CSMD1: variants seen among roughly 807,000 people sequenced by gnomAD.
The protein encoded by CSMD1 is CUB and sushi domain-containing protein 1.
CSMD1 carries 213 observed loss-of-function variants against 417.5 expected under a neutral mutation model. That is an observed-to-expected ratio of 0.51 (90% CI 0.46 to 0.57). The LOEUF (loss-of-function observed/expected upper bound fraction) is 0.57. Among genes scored for constraint, CSMD1 ranks in the 20% least tolerant of loss-of-function variants. The pLI, the probability that CSMD1 is intolerant of heterozygous loss-of-function variation, is 0.00. For synonymous variants in CSMD1, 2,862 were observed against 1,736.8 expected, an observed-to-expected ratio of 1.65 and a Z score of -16.11; for missense variants, 6,923 against 4,529.7, an observed-to-expected ratio of 1.53 and a Z score of -15.17.
chr8:4,748,284 T>A lies in CSMD1; in HGVS notation c.86-110726A>T, dbSNP rs1339254021. Among the ~76,000 whole-genome samples, 5 of 152,228 alleles carry A rather than the reference T, an allele frequency of 3.3e-5. No individual in the cohort carries two copies. In the South Asian group the frequency reaches 8.3e-4, roughly 25 times the overall value. On this transcript the variant is annotated intron_variant, in intron 1 of 69. Coordinates refer to ENST00000635120, the MANE Select transcript of CSMD1 (RefSeq NM_033225.6). ...CTTTAGAAAGCACACAAGCAAATCA[T>A]CATCCTTTCTACAAGAGAAGCCAGA...
intron 5 of CSMD1, among the ~76,000 whole-genome samples, chr8:3,942,505 G>A (rs1459764583): frequency 1.3e-5 from 2 of 152,174 alleles, no homozygotes; most frequent in East Asian, 3.9e-4. Flanking sequence ...TACCTTCAGG[G>A]ACTATAACCC....
intron 1 of CSMD1, among the ~76,000 whole-genome samples, chr8:4,649,027 T>G (rs986936824): frequency 1.3e-5 from 2 of 152,184 alleles, no homozygotes; most frequent in Non-Finnish European, 2.9e-5. Flanking sequence ...TATATTCTCT[T>G]TGGCCGAGAA....
intron 3 of CSMD1, among the ~76,000 whole-genome samples, chr8:4,263,734 T>G (rs754191814): frequency 8.5e-5 from 13 of 152,204 alleles, no homozygotes; most frequent in Non-Finnish European, 1.8e-4. Context: ...AAATGCTGGA[T>G]TTTTATGTAT....
intron 1 of CSMD1, among the ~76,000 whole-genome samples, chr8:4,654,413 C>G (rs1173202114): frequency 1.3e-5 from 2 of 152,082 alleles, no homozygotes; most frequent in Non-Finnish European, 2.9e-5. Flanking sequence ...GGAAGTAGAG[C>G]AAATTCTTTG....
intron 3 of CSMD1, among the ~76,000 whole-genome samples, chr8:4,306,684 C>A (rs902408593): frequency 2.0e-5 from 3 of 152,048 alleles, no homozygotes; most frequent in Admixed American, 1.3e-4. Context: ...AATTCACATG[C>A]TCTCCTCTTC....
chr8:3,430,894 T>C (rs1012481816), intron 12 of CSMD1, among the ~76,000 whole-genome samples: 2 of 152,166 alleles, frequency 1.3e-5, no homozygotes, highest in East Asian at 1.9e-4. Context: ...GATAAAATAA[T>C]TGAAGAAAAT....
chr8:4,808,752 C>G (rs756732033), intron 1 of CSMD1, among the ~76,000 whole-genome samples: 64 of 152,206 alleles, frequency 4.2e-4, no homozygotes, highest in Non-Finnish European at 7.5e-4. Flanking sequence ...AACATTAAAA[C>G]ATAAACTTAT....
chr8:4,541,449 C>A (rs149993244), intron 2 of CSMD1, among the ~76,000 whole-genome samples: 1 of 152,166 alleles, frequency 6.6e-6, no homozygotes, highest in Admixed American at 6.5e-5. Context: ...ATCAAGGTGT[C>A]CCACGTTATC....
At position 3,221,759 on chromosome 8, in the gene CSMD1, A is replaced by T. The variant is rs552654763; in HGVS notation, c.4484+1970T>A. On this transcript the variant is annotated intron_variant, in intron 28 of 69. Transcript: ENST00000635120. ...TGAACCAAATTCAATTTGAGCCCCAATGTGTGAGCCCCACAATCCACAGGG... is the reference window on the plus strand; with the variant it reads ...TGAACCAAATTCAATTTGAGCCCCATTGTGTGAGCCCCACAATCCACAGGG... Among the ~76,000 whole-genome samples, 530 of 152,094 alleles carry T rather than the reference A, an allele frequency of 3.5e-3. 3 individuals are homozygous for T. Among genetic ancestry groups the T allele is most frequent in the Non-Finnish European group, 4.7e-3 (317 of 67,968 alleles).
intron 2 of CSMD1, among the ~76,000 whole-genome samples, chr8:4,433,610 T>A (rs1448866187): frequency 6.6e-6 from 1 of 152,134 alleles, no homozygotes; most frequent in Non-Finnish European, 1.5e-5. Flanking sequence ...AAACGACAAA[T>A]TTGATAAAGC....
chr8:4,756,200 T>G (rs183452782), intron 1 of CSMD1, among the ~76,000 whole-genome samples: 3 of 152,322 alleles, frequency 2.0e-5, no homozygotes, highest in Non-Finnish European at 4.4e-5. Flanking sequence ...GTTGATCTAT[T>G]TAACATCTAG....
At chr8:4,934,221 T>G (rs931554578) in intron 1 of CSMD1, among the ~76,000 whole-genome samples, 1 of 152,112 alleles carries the variant, frequency 6.6e-6, no homozygotes, top group African/African-American at 2.4e-5. Flanking sequence ...CTCCAACATT[T>G]TTATCCAGAC....
chr8:4,225,917 A>C (rs948267748), intron 3 of CSMD1, among the ~76,000 whole-genome samples: 2 of 152,170 alleles, frequency 1.3e-5, no homozygotes, highest in African/African-American at 4.8e-5. Context: ...ATTGTCTAAT[A>C]ATTTCTTATT....
rs1806377524 is a variant in CSMD1, at chr8:4,920,668, A to G, written c.85+73664T>C. On this transcript the variant is annotated intron_variant, in intron 1 of 69. Transcript: ENST00000635120. ...GAAACCCTGTATTTAGTAAATACCA[A>G]AAAAATAGCCATGCGTGGGTGGTGC... Among the ~76,000 whole-genome samples, 3 of 151,828 alleles carry G rather than the reference A, an allele frequency of 2.0e-5. No homozygotes were observed. The South Asian group carries it at 6.2e-4, about 31-fold the overall frequency.
intron 1 of CSMD1, among the ~76,000 whole-genome samples, chr8:4,705,249 C>G (rs1358158015): frequency 1.3e-5 from 2 of 152,058 alleles, no homozygotes; most frequent in African/African-American, 4.8e-5. Context: ...TTCCCAGTCT[C>G]TGGTATTTTT....
At chr8:4,739,131 TACAC>T (rs1390477449) in intron 1 of CSMD1, among the ~76,000 whole-genome samples, 1 of 152,144 alleles carries the variant, frequency 6.6e-6, no homozygotes, top group Non-Finnish European at 1.5e-5. Flanking sequence ...CATGTGAACA[TACAC>T]ACACGCATAC....
At chr8:3,390,676 C>G (rs934398161) in intron 17 of CSMD1, among the ~76,000 whole-genome samples, 1 of 149,934 alleles carries the variant, frequency 6.7e-6, no homozygotes, top group Non-Finnish European at 1.5e-5. Context: ...TTCAATTGGT[C>G]TTTGCAAAAT....
intron 3 of CSMD1, among the ~76,000 whole-genome samples, chr8:4,184,795 A>C (rs931877768): frequency 6.6e-6 from 1 of 151,970 alleles, no homozygotes; most frequent in South Asian, 2.1e-4. Context: ...CCTGTGACAC[A>C]GGTTTACTTA....
At chr8:4,423,083 A>G (rs895030743) in intron 2 of CSMD1, among the ~76,000 whole-genome samples, 6 of 152,090 alleles carry the variant, frequency 3.9e-5, no homozygotes, top group African/African-American at 1.2e-4. Flanking sequence ...AAGCCTAAAG[A>G]TAACATTTTG....
Sources: allele counts gnomAD v4.1 joint callset (sites outside exome capture counted in the v4.1 genomes callset), GRCh38; gene constraint gnomAD v4.1.1; transcripts MANE v1.5; gene names NCBI Gene and HGNC (gene_info 2026-07-23, HGNC 2026-07-21).